Variants in AXDND1 observed in about 807,000 individuals in gnomAD.
The protein encoded by AXDND1 is axonemal dynein light chain domain-containing protein 1.
In AXDND1, 110 loss-of-function variants were observed where a neutral mutation model predicts 137.5. That is an observed-to-expected ratio of 0.80 (90% CI 0.69 to 0.94). The LOEUF is 0.94. Ranked by LOEUF, AXDND1 falls within the 40% of genes least tolerant of loss-of-function variation. AXDND1 has a pLI of 0.00. For synonymous variants in AXDND1, 414 were observed against 399.7 expected, an observed-to-expected ratio of 1.04 and a Z score of -0.43; for missense variants, 1,191 against 1,169.8, an observed-to-expected ratio of 1.02 and a Z score of -0.26.
chr1:179,514,145 C>T (rs1669299991), intron 21 of AXDND1, among the ~76,000 whole-genome samples: 1 of 151,806 alleles, frequency 6.6e-6, no homozygotes, highest in Admixed American at 6.6e-5. Context: ...TCTCTAGTTC[C>T]TTGAGGTGTG....
chr1:179,489,741 CTTTTTTT>C (rs140787885), intron 18 of AXDND1, among the ~76,000 whole-genome samples: 42 of 101,272 alleles, frequency 4.1e-4, no homozygotes, highest in African/African-American at 3.4e-4. Context: ...TACTACTTTT[CTTTTTTT>C]TTTTTTTTTT....
chr1:179,528,627 T>C (rs1670763885), intron 23 of AXDND1, among the ~76,000 whole-genome samples, 196 bp downstream of exon 23: 1 of 149,142 alleles, frequency 6.7e-6, no homozygotes, highest in African/African-American at 2.4e-5. Flanking sequence ...CTTCTCATTC[T>C]CATCTTTAAA....
chr1:179,518,968 G>C (rs1669805237), intron 21 of AXDND1, among the ~76,000 whole-genome samples: 1 of 152,160 alleles, frequency 6.6e-6, no homozygotes, highest in Admixed American at 6.5e-5. Context: ...TCACCACGCT[G>C]TCTTCCACCA....
intron 9 of AXDND1, among the ~76,000 whole-genome samples, chr1:179,386,743 G>A (rs1220927946): frequency 6.6e-6 from 1 of 150,600 alleles, no homozygotes; most frequent in Non-Finnish European, 1.5e-5. Flanking sequence ...TATTATTTTT[G>A]ACATAGAGTC....
intron 15 of AXDND1, among the ~76,000 whole-genome samples, chr1:179,437,133 C>T (rs995556099): frequency 8.0e-5 from 12 of 150,598 alleles, no homozygotes; most frequent in South Asian, 4.2e-4. Context: ...GAGTGTAACC[C>T]GCACAGACCT....
chr1:179,455,433 A>G (rs992890457), intron 16 of AXDND1: 1 of 151,296 alleles, frequency 6.6e-6, no homozygotes, highest in African/African-American at 2.4e-5. Flanking sequence ...TCTACTACAA[A>G]TACAAAAAAA....
At chr1:179,530,977 T>G (rs1221502456) in intron 23 of AXDND1, among the ~76,000 whole-genome samples, 1 of 152,190 alleles carries the variant, frequency 6.6e-6, no homozygotes, top group Non-Finnish European at 1.5e-5. Context: ...ACGTAGGAGA[T>G]GGAGTTACTA....
rs778121513 is a variant in AXDND1, at chr1:179,509,364, A to T, written c.2457A>T (p.Thr819=). 1.2e-6 allele frequency: 2 copies of T among 1,612,308 alleles called. No homozygotes were observed. The highest frequency in any genetic ancestry group is 1.7e-6 in the Non-Finnish European group (2 of 1,178,618). ...CTAATATCAAAGGCAGAAAAATTAC[A>T]TTATTGACATATGAAGAAATAGAGC... ...LLSNIKGRKI[T]LLTYEEIERL... is the part of the protein sequence containing the mutation. The change falls in exon 21 of 26, where the codon ACA becomes ACT. Residue 819 remains threonine, a synonymous_variant. Coordinates refer to ENST00000367618, the MANE Select transcript of AXDND1 (RefSeq NM_144696.6).
At chr1:179,496,346 G>A (rs1439911129) in intron 20 of AXDND1, among the ~76,000 whole-genome samples, 1 of 151,976 alleles carries the variant, frequency 6.6e-6, no homozygotes, top group African/African-American at 2.4e-5. Flanking sequence ...TTGTGGGAAA[G>A]TTTTTAACTA....
chr1:179,422,865 G>A (rs12409337), intron 12 of AXDND1, among the ~76,000 whole-genome samples: 44,641 of 151,964 alleles, frequency 0.29, 6,769 homozygotes, highest in Non-Finnish European at 0.31. Context: ...GTGGGTTCAA[G>A]TAATTCTCCT....
At chr1:179,519,269 A>G (rs1156742292) in intron 21 of AXDND1, among the ~76,000 whole-genome samples, 2 of 152,124 alleles carry the variant, frequency 1.3e-5, no homozygotes, top group African/African-American at 4.8e-5. Context: ...AGTTCCTCAT[A>G]GATGTTGGAT....
intron 23 of AXDND1, among the ~76,000 whole-genome samples, chr1:179,530,457 C>CA (rs1670942069): frequency 6.6e-6 from 1 of 152,190 alleles, no homozygotes; most frequent in Non-Finnish European, 1.5e-5. Flanking sequence ...GTATGCCGTC[C>CA]AGGCTAGGCC....
At position 179,470,104 on chromosome 1, in the gene AXDND1, A is replaced by G. The variant is rs185733266; in HGVS notation, c.1997+1463A>G. ...ATTCTTTCTCCACTTAATGGTATTG[A>G]CAATTTTGATGAAAATCAGTCATGG... On this transcript the variant is annotated intron_variant, in intron 17 of 25. Transcript: ENST00000367618. Among the ~76,000 whole-genome samples the G allele has an allele frequency of 2.4e-3, 362 of 152,296 alleles. 1 individual carries two copies. The highest frequency in any genetic ancestry group is 4.1e-3 in the Non-Finnish European group (277 of 68,000).
chr1:179,468,436 T>C lies in AXDND1; in HGVS notation c.1799-7T>C, dbSNP rs567907625. ...TCTAAAAGTTAATGCTTTTCTTACT[T>C]TTCTAGGTTACTCCAAAATTCTTCC... On this transcript the variant is annotated splice_polypyrimidine_tract_variant and splice_region_variant and intron_variant, in intron 16 of 25. Transcript: ENST00000367618. The C allele has an allele frequency of 7.1e-5, 112 of 1,587,950 alleles. No homozygotes were observed. In the South Asian group the frequency reaches 1.1e-3, roughly 15 times the overall value.
intron 25 of AXDND1, among the ~76,000 whole-genome samples, chr1:179,538,969 T>G (rs762967215): frequency 5.1e-4 from 78 of 151,954 alleles, no homozygotes; most frequent in Non-Finnish European, 9.4e-4. Flanking sequence ...TCTCTTTTGA[T>G]CTTTGTTGGT....
At chr1:179,524,341 C>A (rs929394906) in intron 21 of AXDND1, among the ~76,000 whole-genome samples, 4 of 152,106 alleles carry the variant, frequency 2.6e-5, no homozygotes, top group Non-Finnish European at 4.4e-5. Context: ...CACAAGTTTG[C>A]CTTTAGGATA....
intron 16 of AXDND1, chr1:179,457,404 T>C: frequency 5.4e-6 from 2 of 369,908 alleles, no homozygotes; most frequent in South Asian, 9.4e-5. Context: ...GCAAGACAGT[T>C]TTAAATTTCC....
At chr1:179,384,705 T>C (rs1648921156) in intron 8 of AXDND1, among the ~76,000 whole-genome samples, 1 of 152,144 alleles carries the variant, frequency 6.6e-6, no homozygotes, top group Non-Finnish European at 1.5e-5. Flanking sequence ...TTTTTATTTT[T>C]GGCAGCTATA....
At chr1:179,496,760 A>G (rs901853484) in intron 20 of AXDND1, among the ~76,000 whole-genome samples, 1 of 151,310 alleles carries the variant, frequency 6.6e-6, no homozygotes. Context: ...TTTGCTCTTC[A>G]TTTTCTGGTT....
Sources: gnomAD v4.1 joint callset for allele counts (sites outside exome capture counted in the v4.1 genomes callset) on GRCh38, gnomAD v4.1.1 for gene constraint, MANE v1.5 for transcripts, NCBI Gene and HGNC (gene_info 2026-07-23, HGNC 2026-07-21) for gene names.